Variants in BBX observed in about 807,000 individuals in gnomAD.
BBX encodes the protein BBX high mobility group box domain containing.
Under a neutral mutation model 100.2 loss-of-function variants are expected in BBX, and 30 were observed. The observed-to-expected ratio is 0.30, with a 90% CI of 0.22 to 0.41. The LOEUF (loss-of-function observed/expected upper bound fraction) is 0.41, where lower values mean the gene tolerates loss of function less well. BBX is among the 10% of genes least tolerant of loss of function. BBX has a pLI of 1.00. For synonymous variants in BBX, 376 were observed against 388.1 expected (o/e 0.97, Z 0.37); for missense variants, 1,023 against 1,129.8 (o/e 0.91, Z 1.35).
At chr3:107,592,014 T>G (rs979161016) in intron 2 of BBX, among the ~76,000 whole-genome samples, 1 of 152,190 alleles carries the variant, frequency 6.6e-6, no homozygotes, top group Non-Finnish European at 1.5e-5. Context: ...TTTTTGAATA[T>G]TTTTGGCATT....
At chr3:107,582,828 A>G (rs767972977) in intron 2 of BBX, among the ~76,000 whole-genome samples, 2 of 152,056 alleles carry the variant, frequency 1.3e-5, no homozygotes, top group Non-Finnish European at 2.9e-5. Flanking sequence ...AATAGAATTT[A>G]ACAAACATAA....
chr3:107,547,082 A>C (rs2049293558), intron 2 of BBX, among the ~76,000 whole-genome samples: 1 of 152,192 alleles, frequency 6.6e-6, no homozygotes, highest in Admixed American at 6.5e-5. Flanking sequence ...TTATCTAAAC[A>C]AGTTGTTTTA....
chr3:107,598,999 A>T (rs2053864696), intron 2 of BBX, among the ~76,000 whole-genome samples: 1 of 152,002 alleles, frequency 6.6e-6, no homozygotes, highest in Non-Finnish European at 1.5e-5. Context: ...GAGGAAGGGG[A>T]TATTAACAGG....
intron 3 of BBX, among the ~76,000 whole-genome samples, chr3:107,697,430 G>A (rs1210634763): frequency 6.6e-6 from 1 of 151,852 alleles, no homozygotes; most frequent in Non-Finnish European, 1.5e-5. Context: ...AGGACCCTCA[G>A]CTGCAGGTCT....
intron 3 of BBX, among the ~76,000 whole-genome samples, chr3:107,663,082 A>G (rs754115930): frequency 3.3e-5 from 5 of 152,180 alleles, no homozygotes; most frequent in Non-Finnish European, 7.4e-5. Flanking sequence ...AACATTAGAA[A>G]ACTGTGTTTC....
chr3:107,724,991 C>T (rs1472147742), intron 5 of BBX, among the ~76,000 whole-genome samples: 1 of 152,138 alleles, frequency 6.6e-6, no homozygotes, highest in East Asian at 1.9e-4. Context: ...CTGTAAATTA[C>T]CTTGGGCAGT....
intron 2 of BBX, among the ~76,000 whole-genome samples, chr3:107,616,129 C>G (rs1458745216): frequency 6.9e-6 from 1 of 145,026 alleles, no homozygotes; most frequent in Non-Finnish European, 1.5e-5. Flanking sequence ...ATCAGAAATA[C>G]AGGTTGAGCA....
intron 2 of BBX, among the ~76,000 whole-genome samples, chr3:107,621,918 A>G (rs1032469755): frequency 6.6e-6 from 1 of 152,126 alleles, no homozygotes; most frequent in African/African-American, 2.4e-5. Context: ...TGCTTTTTTT[A>G]AACATGGGGC....
chr3:107,571,202 G>A (rs1265164218), intron 2 of BBX, among the ~76,000 whole-genome samples: 1 of 152,112 alleles, frequency 6.6e-6, no homozygotes, highest in Non-Finnish European at 1.5e-5. Flanking sequence ...GGAGAAGGGG[G>A]TGGTGAGCAG....
At chr3:107,621,097 G>C (rs959238254) in intron 2 of BBX, among the ~76,000 whole-genome samples, 1 of 151,970 alleles carries the variant, frequency 6.6e-6, no homozygotes, top group Admixed American at 6.6e-5. Flanking sequence ...AAGGGCCACA[G>C]TTTTTTTTCT....
chr3:107,559,983 A>G (rs1406139271), intron 2 of BBX, among the ~76,000 whole-genome samples: 2 of 152,078 alleles, frequency 1.3e-5, no homozygotes, highest in African/African-American at 4.8e-5. Flanking sequence ...GGCTCAAGCA[A>G]TCCACCCACC....
In BBX at chr3:107,794,439, G is replaced by GA. The variant is rs559197870; in HGVS notation, c.2353+3150dup. Among the ~76,000 whole-genome samples the GA allele has an allele frequency of 1.1e-3, 163 of 146,404 alleles. 1 individual carries two copies. The highest frequency in any genetic ancestry group is 1.9e-3 in the Admixed American group (28 of 14,722). ...AATATAAATGGTATTTCACAACGGG[G>GA]AAAAAAAAAACCCCAAAACCTAGGA... On this transcript the variant is annotated intron_variant, in intron 15 of 17. Transcript: ENST00000325805.
At chr3:107,684,019 AGTT>A (rs1320739193) in intron 3 of BBX, among the ~76,000 whole-genome samples, 1 of 152,176 alleles carries the variant, frequency 6.6e-6, no homozygotes, top group Non-Finnish European at 1.5e-5. Context: ...CTGAACTTTA[AGTT>A]ATCAAAAATA....
At chr3:107,648,565 A>T (rs2107797479) in intron 3 of BBX, among the ~76,000 whole-genome samples, 1 of 152,294 alleles carries the variant, frequency 6.6e-6, no homozygotes, top group African/African-American at 2.4e-5. Flanking sequence ...ACTAGATATA[A>T]CGGGAGCCAA....
At chr3:107,533,309 C>T (rs946535237) in intron 2 of BBX, among the ~76,000 whole-genome samples, 1 of 152,166 alleles carries the variant, frequency 6.6e-6, no homozygotes, top group Non-Finnish European at 1.5e-5. Context: ...TCTGATATGC[C>T]TAACCACTTA....
intron 10 of BBX, among the ~76,000 whole-genome samples, chr3:107,756,261 C>A (rs190578701): frequency 6.6e-5 from 10 of 152,234 alleles, no homozygotes; most frequent in African/African-American, 2.2e-4. Flanking sequence ...ACGCCGGAAG[C>A]ATCTGTTGCT....
At chr3:107,725,289 C>T (rs546184538) in intron 5 of BBX, among the ~76,000 whole-genome samples, 1 of 152,158 alleles carries the variant, frequency 6.6e-6, no homozygotes, top group African/African-American at 2.4e-5. Context: ...AGTTGCTTAT[C>T]AGCTTAAGGA....
chr3:107,638,529 A>T (rs920113228), intron 2 of BBX: 3 of 152,130 alleles, frequency 2.0e-5, no homozygotes, highest in African/African-American at 7.2e-5. Flanking sequence ...ATATACCTGG[A>T]ACAATTCTTT....
chr3:107,619,904 A>G (rs946797995), intron 2 of BBX, among the ~76,000 whole-genome samples: 3 of 152,100 alleles, frequency 2.0e-5, no homozygotes, highest in Non-Finnish European at 4.4e-5. Flanking sequence ...AAGTTTGACT[A>G]TGTTGTGTCT....
Sources: gnomAD v4.1 joint callset for allele counts (sites outside exome capture counted in the v4.1 genomes callset) on GRCh38, gnomAD v4.1.1 for gene constraint, MANE v1.5 for transcripts, NCBI Gene and HGNC (gene_info 2026-07-23, HGNC 2026-07-21) for gene names.